DOCK4: variants seen among roughly 807,000 people sequenced by gnomAD.
DOCK4 encodes the protein dedicator of cytokinesis protein 4.
DOCK4 carries 97 observed loss-of-function variants against 268.1 expected under a neutral mutation model. The observed-to-expected ratio is 0.36, with a 90% CI of 0.31 to 0.43. DOCK4 has a LOEUF of 0.43. Ranked by LOEUF, DOCK4 falls within the 20% of genes least tolerant of loss-of-function variation. DOCK4 has a pLI of 1.00. For missense variants in DOCK4, 2,145 were observed against 2,455.7 expected (o/e 0.87, Z 2.67); for synonymous variants, 954 against 887.2 (o/e 1.08, Z -1.34).
intron 1 of DOCK4, among the ~76,000 whole-genome samples, chr7:112,108,339 T>C (rs1811318287): frequency 6.6e-6 from 1 of 152,330 alleles, no homozygotes; most frequent in South Asian, 2.1e-4. Flanking sequence ...ATACATATCC[T>C]TCTAGGAACT....
intron 10 of DOCK4, among the ~76,000 whole-genome samples, 182 bp downstream of exon 10, chr7:111,944,629 G>A (rs966452976): frequency 6.6e-6 from 1 of 152,174 alleles, no homozygotes; most frequent in African/African-American, 2.4e-5. Context: ...GGTAGGTGAG[G>A]AGGTCATATG....
intron 1 of DOCK4, among the ~76,000 whole-genome samples, chr7:112,193,709 A>T (rs540751302): frequency 6.6e-6 from 1 of 151,856 alleles, no homozygotes; most frequent in Admixed American, 6.6e-5. Context: ...CATTGATTAC[A>T]CTGAGGTTGA....
rs143505910 is a variant in DOCK4, at chr7:111,847,208, C to T, written c.2474-82G>A. 3.9e-4 allele frequency: 604 copies of T among 1,536,306 alleles called. 7 individuals carry two copies. In the African/African-American group the frequency reaches 7.1e-3, roughly 18 times the overall value. ...GGCAAATCCTTATCTACTTTTAATT[C>T]AATTTTGGTTGCTAAATTATTAACA... On this transcript the variant is annotated intron_variant, in intron 23 of 52. Coordinates refer to ENST00000428084, the MANE Select transcript of DOCK4 (RefSeq NM_001363540.2).
At chr7:112,180,337 A>G (rs1818914041) in intron 1 of DOCK4, among the ~76,000 whole-genome samples, 1 of 152,194 alleles carries the variant, frequency 6.6e-6, no homozygotes, top group Non-Finnish European at 1.5e-5. Context: ...ACAGAAGCAC[A>G]GTGCTCCTTT....
At chr7:111,741,350 T>C (rs1373344822) in intron 46 of DOCK4, 136 bp from the exon 47 acceptor site, 3 of 1,421,762 alleles carry the variant, frequency 2.1e-6, no homozygotes, top group East Asian at 2.3e-5. Context: ...TATAATCAAA[T>C]GTTTGAGTTT....
chr7:111,871,419 G>A (rs889915959), intron 20 of DOCK4, among the ~76,000 whole-genome samples: 2 of 152,226 alleles, frequency 1.3e-5, no homozygotes, highest in Admixed American at 1.3e-4. Context: ...ACCTGAGCCA[G>A]TAGAAAAGGA....
intron 1 of DOCK4, among the ~76,000 whole-genome samples, chr7:112,013,080 G>A (rs988486491): frequency 6.6e-5 from 10 of 152,176 alleles, no homozygotes; most frequent in African/African-American, 2.2e-4. Context: ...TATTTTTGCA[G>A]CCTCTTCTAT....
intron 12 of DOCK4, among the ~76,000 whole-genome samples, chr7:111,924,850 C>T (rs1259649373): frequency 1.3e-5 from 2 of 152,156 alleles, no homozygotes; most frequent in Non-Finnish European, 2.9e-5. Flanking sequence ...GAGGATGGTG[C>T]AGCTCTTCAC....
intron 12 of DOCK4, among the ~76,000 whole-genome samples, chr7:111,931,305 G>T (rs2134671778): frequency 6.6e-6 from 1 of 152,278 alleles, no homozygotes; most frequent in South Asian, 2.1e-4. Context: ...CTTTGCAAAG[G>T]CTACAACACG....
At chr7:112,009,898 C>G (rs1452874533) in intron 1 of DOCK4, among the ~76,000 whole-genome samples, 2 of 152,184 alleles carry the variant, frequency 1.3e-5, no homozygotes, top group Non-Finnish European at 2.9e-5. Flanking sequence ...CTCACTGAAA[C>G]CTCCACTTCC....
intron 4 of DOCK4, among the ~76,000 whole-genome samples, chr7:111,996,219 CA>C (rs1799941577): frequency 1.3e-5 from 2 of 152,146 alleles, no homozygotes; most frequent in African/African-American, 4.8e-5. Flanking sequence ...TCTGAAGACA[CA>C]AGAAAGAACA....
chr7:112,077,154 C>A (rs1207291408), intron 1 of DOCK4, among the ~76,000 whole-genome samples: 1 of 152,164 alleles, frequency 6.6e-6, no homozygotes, highest in South Asian at 2.1e-4. Flanking sequence ...AACCCTAAAG[C>A]AGTACACTTT....
chr7:111,990,275 T>A (rs1425410334), intron 5 of DOCK4, among the ~76,000 whole-genome samples: 1 of 152,184 alleles, frequency 6.6e-6, no homozygotes, highest in Non-Finnish European at 1.5e-5. Context: ...AACCAAAATA[T>A]ATATCCCTTA....
intron 1 of DOCK4, among the ~76,000 whole-genome samples, chr7:112,165,562 G>A (rs1050918321): frequency 1.2e-4 from 17 of 140,814 alleles, no homozygotes; most frequent in African/African-American, 3.6e-4. Flanking sequence ...GTGTGTGTGC[G>A]TGTGTGTGTG....
chr7:111,924,203 C>A (rs1793400668), intron 12 of DOCK4, among the ~76,000 whole-genome samples: 1 of 152,150 alleles, frequency 6.6e-6, no homozygotes, highest in Non-Finnish European at 1.5e-5. Context: ...GTTGCATTTG[C>A]TTACTCTGCC....
intron 1 of DOCK4, among the ~76,000 whole-genome samples, chr7:112,193,656 G>A (rs1035117145): frequency 2.0e-5 from 3 of 151,564 alleles, no homozygotes; most frequent in South Asian, 2.1e-4. Flanking sequence ...AGGTGGGCCT[G>A]CAGAGTCAGA....
At chr7:112,155,945 G>A (rs3919469) in intron 1 of DOCK4, among the ~76,000 whole-genome samples, 104,825 of 152,064 alleles carry the variant, frequency 0.69, 36,410 homozygotes, top group East Asian at 0.85. Context: ...CATTTAATTC[G>A]TTTAAATTTA....
chr7:112,006,421 A>G (rs1397824287), intron 1 of DOCK4, among the ~76,000 whole-genome samples: 1 of 152,242 alleles, frequency 6.6e-6, no homozygotes, highest in Non-Finnish European at 1.5e-5. Flanking sequence ...ATTACATGGG[A>G]AAACTCATTC....
chr7:112,176,916 C>A (rs1818579762), intron 1 of DOCK4, among the ~76,000 whole-genome samples: 5 of 152,108 alleles, frequency 3.3e-5, no homozygotes, highest in Admixed American at 1.3e-4. Context: ...ATGTGAGAAG[C>A]CTTACCTACC....
Sources: gnomAD v4.1 joint callset for allele counts (sites outside exome capture counted in the v4.1 genomes callset) on GRCh38, gnomAD v4.1.1 for gene constraint, MANE v1.5 for transcripts, NCBI Gene and HGNC (gene_info 2026-07-23, HGNC 2026-07-21) for gene names.